The following FHIT variants were observed in gnomAD, a reference collection of about 807,000 sequenced individuals.
The protein encoded by FHIT is fragile histidine triad diadenosine triphosphatase, also known as bis(5'-adenosyl)-triphosphatase.
A neutral mutation model predicts 17.9 loss-of-function variants in FHIT; 19 were observed. The ratio of observed to expected loss-of-function variants is 1.06; its 90% CI spans 0.74 to 1.56. The LOEUF is 1.56. Ranked by LOEUF, FHIT falls within the 40% of genes most tolerant of loss-of-function variation. The probability of loss-of-function intolerance (pLI) is 0.00; values close to 1 mark genes in which losing one functional copy is unlikely to be tolerated. For synonymous variants in FHIT, 81 were observed against 69.7 expected (o/e 1.16, Z -0.81); for missense variants, 248 against 189.2 (o/e 1.31, Z -1.82).
chr3:60,734,889 G>C (rs984367287), intron 4 of FHIT, among the ~76,000 whole-genome samples: 7 of 152,170 alleles, frequency 4.6e-5, no homozygotes, highest in African/African-American at 1.4e-4. Flanking sequence ...ACTTTGCAGG[G>C]ATTGCTGATT....
At chr3:61,088,050 CAATTCAA>C (rs1053987193) in intron 2 of FHIT, among the ~76,000 whole-genome samples, 6 of 152,112 alleles carry the variant, frequency 3.9e-5, no homozygotes, top group East Asian at 1.9e-4. Context: ...TTTTTGCTTT[CAATTCAA>C]AATTCAAAAT....
chr3:60,623,136 G>C (rs183609967), intron 4 of FHIT, among the ~76,000 whole-genome samples: 2 of 152,174 alleles, frequency 1.3e-5, no homozygotes, highest in African/African-American at 4.8e-5. Context: ...TAGTAGATAC[G>C]TAACAAGTAA....
Position 60,740,170 on chromosome 3 carries a change from A to G in FHIT, c.-18+81749T>C, listed in dbSNP as rs192508221. ...TTGACTCATTTTAGATGTTTGCTGCAGTTGTTTATTGCTGGGTGCAGGGAG... is the reference window on the plus strand; with the variant it reads ...TTGACTCATTTTAGATGTTTGCTGCGGTTGTTTATTGCTGGGTGCAGGGAG... On this transcript the variant is annotated intron_variant, in intron 4 of 9. Transcript: ENST00000492590. Among the ~76,000 whole-genome samples the G allele has an allele frequency of 3.2e-3, 494 of 152,304 alleles. 3 individuals carry two copies. Among genetic ancestry groups the G allele is most frequent in the South Asian group, 5.0e-3 (24 of 4,820 alleles).
chr3:61,206,484 T>G (rs1402776892), intron 1 of FHIT, among the ~76,000 whole-genome samples: 1 of 152,106 alleles, frequency 6.6e-6, no homozygotes, highest in Non-Finnish European at 1.5e-5. Flanking sequence ...TGTATCCTCT[T>G]TTATTTCATT....
At chr3:60,667,402 C>T (rs538538357) in intron 4 of FHIT, among the ~76,000 whole-genome samples, 5 of 152,088 alleles carry the variant, frequency 3.3e-5, no homozygotes, top group African/African-American at 1.2e-4. Flanking sequence ...TCTAACCTAT[C>T]GTTAATACTA....
intron 8 of FHIT, among the ~76,000 whole-genome samples, chr3:59,908,475 C>T (rs1457328286): frequency 1.3e-5 from 2 of 152,142 alleles, no homozygotes; most frequent in African/African-American, 4.8e-5. Flanking sequence ...ATGGACACCT[C>T]TAGGAATGTA....
At chr3:60,413,480 A>G (rs1166770567) in intron 5 of FHIT, among the ~76,000 whole-genome samples, 2 of 152,332 alleles carry the variant, frequency 1.3e-5, no homozygotes, top group East Asian at 3.9e-4. Flanking sequence ...AAGAAGTACC[A>G]TGCAAATTCC....
chr3:60,861,252 C>T (rs74204353), intron 3 of FHIT, among the ~76,000 whole-genome samples: 1,009 of 10,434 alleles, frequency 0.097, 35 homozygotes, highest in African/African-American at 0.12. Flanking sequence ...ATATATGATA[C>T]ATATGATATA....
chr3:61,019,875 T>C (rs1266207602), intron 3 of FHIT, among the ~76,000 whole-genome samples: 1 of 152,204 alleles, frequency 6.6e-6, no homozygotes, highest in Non-Finnish European at 1.5e-5. Flanking sequence ...TCTCTTTTTT[T>C]TTAATTATAC....
intron 7 of FHIT, among the ~76,000 whole-genome samples, chr3:59,950,560 T>A (rs949704341): frequency 3.4e-5 from 5 of 148,428 alleles, no homozygotes; most frequent in African/African-American, 1.3e-4. Flanking sequence ...TTTGTTTACT[T>A]GTTTTCTTTT....
chr3:60,939,030 T>C (rs7618397), intron 3 of FHIT, among the ~76,000 whole-genome samples: 146,975 of 152,300 alleles, frequency 0.97, 71,135 homozygotes, highest in East Asian at 1. Flanking sequence ...TCTTAGGTTG[T>C]CCATATAAAA....
At chr3:61,200,948 G>A (rs928841300) in intron 1 of FHIT, among the ~76,000 whole-genome samples, 5 of 152,076 alleles carry the variant, frequency 3.3e-5, no homozygotes, top group African/African-American at 4.8e-5. Context: ...GAATGGGAAC[G>A]GCTTATAGCG....
Position 59,802,735 on chromosome 3 carries a change from C to T in FHIT, c.349-50414G>A, listed in dbSNP as rs535445977. Among the ~76,000 whole-genome samples the T allele has an allele frequency of 5.9e-5, 9 of 152,250 alleles. No homozygotes were observed. The East Asian group carries it at 7.7e-4, about 13-fold the overall frequency. On this transcript the variant is annotated intron_variant, in intron 8 of 9. Transcript: ENST00000492590. ...TTGGTGGTCTCTTCACATGGACACG[C>T]GTGACAATTGTTTTATGTGCCCAGC...
At position 59,828,726 on chromosome 3, in the gene FHIT, G is replaced by A. The variant is rs570837718; in HGVS notation, c.349-76405C>T. On this transcript the variant is annotated intron_variant, in intron 8 of 9. Transcript: ENST00000492590. ...TATCTTTGGTTAAGGCAGACTTAAC[G>A]GGAAAATCTCTTTCCAATATGATAT... is the stretch of plus-strand genomic sequence containing the variant. Among the ~76,000 whole-genome samples, 55 of 152,226 alleles carry A rather than the reference G, an allele frequency of 3.6e-4. No individual in the cohort carries two copies. The South Asian group carries it at 4.6e-3, about 13-fold the overall frequency.
At chr3:60,066,316 T>A (rs1348071083) in intron 5 of FHIT, among the ~76,000 whole-genome samples, 1 of 152,220 alleles carries the variant, frequency 6.6e-6, no homozygotes, top group Non-Finnish European at 1.5e-5. Context: ...CAACGATATC[T>A]AAGAGCTTCC....
chr3:60,795,414 T>G (rs1700944989), intron 4 of FHIT, among the ~76,000 whole-genome samples: 1 of 152,180 alleles, frequency 6.6e-6, no homozygotes, highest in Non-Finnish European at 1.5e-5. Context: ...AAAAATACAT[T>G]CCTTGAAGAT....
rs574215866 is a variant in FHIT, at chr3:61,125,158, C to T, written c.-164+75459G>A. 1.6e-4 allele frequency among the ~76,000 whole-genome samples: 25 copies of T among 152,246 alleles called. No homozygotes were observed. The South Asian group carries it at 1.7e-3, about 10-fold the overall frequency. ...ATGATTCACGGAAGAATGGTTTACA[C>T]GCAGGAACAAGAAATCACTTGTATT... On this transcript the variant is annotated intron_variant, in intron 2 of 9. Transcript: ENST00000492590.
At chr3:60,442,935 C>G (rs1432726787) in intron 5 of FHIT, among the ~76,000 whole-genome samples, 3 of 151,988 alleles carry the variant, frequency 2.0e-5, no homozygotes, top group South Asian at 2.1e-4. Flanking sequence ...TGTTTGTATC[C>G]TCTTTTATTT....
At chr3:60,512,683 GC>G (rs1418197007) in intron 5 of FHIT, among the ~76,000 whole-genome samples, 2 of 152,306 alleles carry the variant, frequency 1.3e-5, no homozygotes, top group Non-Finnish European at 2.9e-5. Flanking sequence ...ATGTACTGAT[GC>G]AGAGGCAAGG....
Sources: gnomAD v4.1 joint callset for allele counts (sites outside exome capture counted in the v4.1 genomes callset) on GRCh38, gnomAD v4.1.1 for gene constraint, MANE v1.5 for transcripts, NCBI Gene and HGNC (gene_info 2026-07-23, HGNC 2026-07-21) for gene names.